MOK: variants seen among roughly 807,000 people sequenced by gnomAD.
MOK encodes MAPK/MAK/MRK overlapping kinase.
A neutral mutation model predicts 54.2 loss-of-function variants in MOK; 59 were observed. That is an observed-to-expected ratio of 1.09 (90% CI 0.88 to 1.35). MOK has a LOEUF of 1.35. Among genes scored for constraint, MOK ranks in the 40% most tolerant of loss-of-function variants. The probability of loss-of-function intolerance (pLI) is 0.00; values close to 1 mark genes in which losing one functional copy is unlikely to be tolerated. For synonymous variants in MOK, 210 were observed against 202.7 expected (o/e 1.04, Z -0.31); for missense variants, 517 against 526.2 (o/e 0.98, Z 0.17).
chr14:102,253,847 C>T (rs548272863), intron 4 of MOK, among the ~76,000 whole-genome samples: 1 of 152,322 alleles, frequency 6.6e-6, no homozygotes, highest in Admixed American at 6.5e-5. Context: ...CCTCCATGAG[C>T]ACATATACCA....
chr14:102,244,246 A>C (rs2065925263), intron 7 of MOK, among the ~76,000 whole-genome samples: 2 of 152,120 alleles, frequency 1.3e-5, no homozygotes, highest in East Asian at 1.9e-4. Context: ...TCCAACTTCT[A>C]TCCCTCATGG....
intron 2 of MOK, among the ~76,000 whole-genome samples, chr14:102,268,914 CA>C (rs10700014): frequency 1.8e-3 from 207 of 116,894 alleles, no homozygotes; most frequent in Middle Eastern, 0.011. Flanking sequence ...GACTCCGTCT[CA>C]AAAAAAAAAA....
At chr14:102,223,893 G>A (rs887779426), downstream of MOK, among the ~76,000 whole-genome samples, 9 of 152,154 alleles carry the variant, frequency 5.9e-5, no homozygotes, top group African/African-American at 2.2e-4. Flanking sequence ...GCAGCTGCAC[G>A]TCTGCACAGG....
At chr14:102,272,705 A>C (rs2068479503) in intron 2 of MOK, among the ~76,000 whole-genome samples, 1 of 152,220 alleles carries the variant, frequency 6.6e-6, no homozygotes, top group South Asian at 2.1e-4. Context: ...ACAGAATTCG[A>C]TACCAATTCA....
downstream of MOK, among the ~76,000 whole-genome samples, chr14:102,224,286 T>C (rs565968772): frequency 1.2e-4 from 18 of 151,998 alleles, no homozygotes; most frequent in African/African-American, 4.1e-4. Flanking sequence ...GTGATCCGCC[T>C]GCCTTGGCCT....
chr14:102,277,072 C>T (rs1323025585), intron 2 of MOK, among the ~76,000 whole-genome samples: 3 of 139,018 alleles, frequency 2.2e-5, no homozygotes, highest in East Asian at 4.5e-4. Context: ...TTTCTTCATA[C>T]GACATACAGA....
intron 2 of MOK, chr14:102,278,673 C>T (rs1266641249): frequency 6.6e-6 from 3 of 455,310 alleles, no homozygotes; most frequent in Non-Finnish European, 1.3e-5. Context: ...AACTTGATCT[C>T]TCCGAATTTC....
At chr14:102,255,190 C>T (rs1233712332) in intron 4 of MOK, among the ~76,000 whole-genome samples, 1 of 151,936 alleles carries the variant, frequency 6.6e-6, no homozygotes, top group African/African-American at 2.4e-5. Flanking sequence ...TGGCGGCAGG[C>T]GCCTTCAATC....
chr14:102,274,106 T>C (rs1438282992), intron 2 of MOK, among the ~76,000 whole-genome samples: 2 of 151,714 alleles, frequency 1.3e-5, no homozygotes, highest in Non-Finnish European at 2.9e-5. Flanking sequence ...TATAGGCGCC[T>C]GCCACCACAC....
intron 1 of MOK, among the ~76,000 whole-genome samples, chr14:102,283,805 A>T (rs1241348120): frequency 1.3e-5 from 2 of 152,158 alleles, no homozygotes; most frequent in Admixed American, 6.6e-5. Context: ...TCCCTTGTAT[A>T]GCAGGAACCA....
At chr14:102,292,212 G>A (rs1317133746) in intron 1 of MOK, among the ~76,000 whole-genome samples, 3 of 152,172 alleles carry the variant, frequency 2.0e-5, no homozygotes, top group Middle Eastern at 3.4e-3. Flanking sequence ...GGTGGCTCAT[G>A]CCTGTAATCC....
At chr14:102,223,557 T>G (rs1335667305), downstream of MOK, 1 of 152,640 alleles carries the variant, frequency 6.6e-6, no homozygotes, top group Non-Finnish European at 1.5e-5. Flanking sequence ...CTGTATTATA[T>G]GTATAAATAT....
chr14:102,245,826 CAGGTTAA>C lies in MOK; in HGVS notation c.590+4979_590+4985del, dbSNP rs1379297343. ...GACATACCCCCTAGTATCACCTTTC[CAGGTTAA>C]AGAGAGCTCCCACCTCCGATCCTCC... is the stretch of plus-strand genomic sequence containing the variant. On this transcript the variant is annotated intron_variant, in intron 7 of 11. Coordinates refer to ENST00000361847, the MANE Select transcript of MOK (RefSeq NM_014226.3). The surrounding 1 kb of genome is among the most constrained non-coding windows in gnomAD (Gnocchi z 4.3). 2.0e-5 allele frequency among the ~76,000 whole-genome samples: 3 copies of C among 152,226 alleles called. No homozygotes were observed. Among genetic ancestry groups the C allele is most frequent in the Admixed American group, 1.3e-4 (2 of 15,290 alleles).
At chr14:102,300,439 C>G (rs1235970850) in intron 1 of MOK, among the ~76,000 whole-genome samples, 1 of 147,530 alleles carries the variant, frequency 6.8e-6, no homozygotes, top group Non-Finnish European at 1.5e-5. Flanking sequence ...GTCCTAACTA[C>G]TCAGGAGGCT....
At position 102,257,217 on chromosome 14, in the gene MOK, C is replaced by T. The variant is rs561247117; in HGVS notation, c.284-5222G>A. Among the ~76,000 whole-genome samples, 6 of 151,988 alleles carry T rather than the reference C, an allele frequency of 3.9e-5. No individual in the cohort carries two copies. In the South Asian group the frequency reaches 1.2e-3, roughly 32 times the overall value. On this transcript the variant is annotated intron_variant, in intron 4 of 11. Coordinates refer to ENST00000361847, the MANE Select transcript of MOK (RefSeq NM_014226.3). ...GAACACTTGGGAAAGATGCTTCTGG[C>T]CCAGGTATGGGGGCAGATGAGAGGA...
downstream of MOK, among the ~76,000 whole-genome samples, chr14:102,226,605 A>G (rs2064257805): frequency 6.6e-6 from 1 of 152,112 alleles, no homozygotes; most frequent in Non-Finnish European, 1.5e-5. The surrounding 1 kb of genome is among the most constrained non-coding windows in gnomAD (Gnocchi z 4.8). Context: ...CACAGGGCCC[A>G]GACGGACACA....
chr14:102,217,677 C>T, the MOK span, among the ~76,000 whole-genome samples: 9 of 152,220 alleles, frequency 5.9e-5, no homozygotes, highest in Admixed American at 2.6e-4. Flanking sequence ...CTTCGGGTGC[C>T]GTGAATAAAC....
intron 1 of MOK, among the ~76,000 whole-genome samples, chr14:102,291,404 G>A (rs148414218): frequency 3.0e-4 from 46 of 152,232 alleles, no homozygotes; most frequent in African/African-American, 1.1e-3. Context: ...GTTTCTTGAG[G>A]AGCCTCCAAA....
In MOK at chr14:102,254,853, G is replaced by A. The variant is rs187015162; in HGVS notation, c.284-2858C>T. ...TCTTCTCTGGTTGCTCCCAAAGCTCGCCTGCTTAGTACCTATATTCATGAT... is the reference window on the plus strand; with the variant it reads ...TCTTCTCTGGTTGCTCCCAAAGCTCACCTGCTTAGTACCTATATTCATGAT... On this transcript the variant is annotated intron_variant, in intron 4 of 11. Coordinates refer to ENST00000361847, the MANE Select transcript of MOK (RefSeq NM_014226.3). Among the ~76,000 whole-genome samples, 501 of 152,220 alleles carry A rather than the reference G, an allele frequency of 3.3e-3. 5 individuals carry two copies. The highest frequency in any genetic ancestry group is 0.012 in the African/African-American group (487 of 41,542).
Sources: gnomAD v4.1 joint callset for allele counts (sites outside exome capture counted in the v4.1 genomes callset) on GRCh38, gnomAD v4.1.1 for gene constraint, Gnocchi (gnomAD v3.1) non-coding constraint, MANE v1.5 for transcripts, NCBI Gene and HGNC (gene_info 2026-07-23, HGNC 2026-07-21) for gene names.